The following YWHAZ variants were observed in gnomAD, a reference collection of about 807,000 sequenced individuals.
The protein encoded by YWHAZ is tyrosine 3-monooxygenase/tryptophan 5-monooxygenase activation protein zeta, also known as 14-3-3 protein zeta/delta.
For missense variants in YWHAZ, 79 were observed against 284.8 expected, an observed-to-expected ratio of 0.28 and a Z score of 5.20; for synonymous variants, 87 against 103.6, an observed-to-expected ratio of 0.84 and a Z score of 0.97.
chr8:100,934,573 C>T (rs932163441), intron 2 of YWHAZ, among the ~76,000 whole-genome samples: 1 of 151,848 alleles, frequency 6.6e-6, no homozygotes, highest in Non-Finnish European at 1.5e-5. Context: ...TGGTGGCAGG[C>T]GCCTGTAATC....
intron 2 of YWHAZ, among the ~76,000 whole-genome samples, chr8:100,942,045 C>T (rs1809904326): frequency 6.6e-6 from 1 of 152,146 alleles, no homozygotes; most frequent in Non-Finnish European, 1.5e-5. Context: ...CTGTTGTTAC[C>T]ACTGTAAGCA....
chr8:100,934,617 C>T (rs1814005601), intron 2 of YWHAZ, among the ~76,000 whole-genome samples: 2 of 152,146 alleles, frequency 1.3e-5, no homozygotes, highest in Admixed American at 1.3e-4. Flanking sequence ...AGAAGAATCA[C>T]TTGAACCCAG....
intron 1 of YWHAZ, 53 bp downstream of exon 1, chr8:100,951,876 G>A (rs993181799): frequency 9.1e-6 from 9 of 990,060 alleles, no homozygotes; most frequent in Non-Finnish European, 9.6e-6. Context: ...CCACGCGTTC[G>A]GAAGGCTGGC....
upstream of YWHAZ, chr8:100,952,121 A>T: frequency 1.0e-6 from 1 of 986,388 alleles, no homozygotes; most frequent in Non-Finnish European, 1.2e-6. Flanking sequence ...CGATGACGTC[A>T]AACGCTGCTA....
At chr8:100,936,362 G>A (rs147613946) in intron 2 of YWHAZ, among the ~76,000 whole-genome samples, 1 of 152,316 alleles carries the variant, frequency 6.6e-6, no homozygotes, top group East Asian at 1.9e-4. Flanking sequence ...ACCATGGGGT[G>A]TGTTTTCAGA....
At chr8:100,932,857 C>G (rs1430427642) in intron 2 of YWHAZ, among the ~76,000 whole-genome samples, 1 of 151,932 alleles carries the variant, frequency 6.6e-6, no homozygotes, top group Non-Finnish European at 1.5e-5. Context: ...GTTTCAGATT[C>G]AAGGACATTA....
In YWHAZ at chr8:100,918,928, CATT is replaced by C. The variant is rs906015816; in HGVS notation, c.*1762_*1764del. 2.6e-5 allele frequency: 4 copies of C among 152,490 alleles called. No individual in the cohort carries two copies. Among genetic ancestry groups the C allele is most frequent in the African/African-American group, 9.7e-5 (4 of 41,390 alleles). 9.4% of individuals were successfully genotyped at this position (152,490 alleles called of 1,614,324 possible). A position where few individuals can be genotyped will look rare whatever the true frequency, so the allele number is the denominator to read the frequency against. On this transcript the variant is annotated 3_prime_UTR_variant, in exon 6 of 6. Transcript: ENST00000395958. ...AGCTTTGGGTATAACTTAGCCCCAT[CATT>C]ATTTAGAGAATAGAGGAGGAAGAAA...
intron 2 of YWHAZ, among the ~76,000 whole-genome samples, chr8:100,939,811 G>A (rs61270228): frequency 0.12 from 17,499 of 152,154 alleles, 2,190 homozygotes; most frequent in African/African-American, 0.31. Flanking sequence ...CACGAGGTTA[G>A]GAGATCGAGA....
chr8:100,950,415 G>A (rs914598721), intron 1 of YWHAZ: 3 of 985,352 alleles, frequency 3.0e-6, no homozygotes, highest in Admixed American at 1.2e-4. Context: ...CCTGACTTGA[G>A]ACGTCGGTTA....
chr8:100,940,161 ACACT>A (rs999753272), intron 2 of YWHAZ, among the ~76,000 whole-genome samples: 4 of 152,028 alleles, frequency 2.6e-5, no homozygotes, highest in African/African-American at 9.7e-5. Context: ...AAAATTATTG[ACACT>A]CACTGAAGGC....
intron 2 of YWHAZ, among the ~76,000 whole-genome samples, chr8:100,938,687 A>G (rs1453625905): frequency 6.6e-6 from 1 of 152,196 alleles, no homozygotes. Flanking sequence ...AATTTTAAAA[A>G]GAAATCATGC....
chr8:100,921,067 C>T (rs1259462047), intron 5 of YWHAZ, among the ~76,000 whole-genome samples: 3 of 152,142 alleles, frequency 2.0e-5, no homozygotes, highest in Non-Finnish European at 4.4e-5. Flanking sequence ...TGGAGTCTCG[C>T]TCTGTCACCA....
intron 2 of YWHAZ, among the ~76,000 whole-genome samples, chr8:100,944,089 A>G (rs1810090147): frequency 6.6e-6 from 1 of 152,218 alleles, no homozygotes; most frequent in African/African-American, 2.4e-5. Context: ...AAACATACCA[A>G]AACCATGAAG....
intron 2 of YWHAZ, among the ~76,000 whole-genome samples, chr8:100,942,471 T>C (rs1199019240): frequency 6.6e-6 from 1 of 152,238 alleles, no homozygotes; most frequent in Admixed American, 6.5e-5. Flanking sequence ...AGAGAACTGC[T>C]GATACGACCG....
intron 2 of YWHAZ, among the ~76,000 whole-genome samples, chr8:100,925,823 T>G (rs1813323437): frequency 6.6e-6 from 1 of 152,192 alleles, no homozygotes. Context: ...GCAAAAAGAT[T>G]AGATCATTGT....
intron 2 of YWHAZ, among the ~76,000 whole-genome samples, chr8:100,932,429 C>T (rs1813822637): frequency 1.3e-5 from 2 of 152,102 alleles, no homozygotes; most frequent in South Asian, 4.1e-4. Context: ...TAAATAGGTA[C>T]ATTTTCTAGG....
rs565384130 is a variant in YWHAZ at position 100,950,617 on chromosome 8, G to C, written c.-12+1312C>G. On this transcript the variant is annotated intron_variant, in intron 1 of 5. Transcript: ENST00000395958. Reference sequence around the variant, plus strand: ...GAGTGTTAATTCCTCCCCCCGACCGGAGCCAGAGGGAGGAGCAGCCCGCGC... The same window carrying C: ...GAGTGTTAATTCCTCCCCCCGACCGCAGCCAGAGGGAGGAGCAGCCCGCGC... The C allele has an allele frequency of 2.3e-5, 23 of 985,780 alleles. No homozygotes were observed. In the Admixed American group the frequency reaches 1.3e-3, roughly 55 times the overall value. The allele number at this position is 985,780 out of a possible 1,614,324, so 61.1% of individuals were successfully genotyped here.
intron 2 of YWHAZ, among the ~76,000 whole-genome samples, chr8:100,936,723 C>A (rs1026352339): frequency 6.6e-6 from 1 of 152,094 alleles, no homozygotes; most frequent in Admixed American, 6.6e-5. Flanking sequence ...ATCGCTTGAA[C>A]CTGGGAGGCA....
rs1158844137 is a variant in YWHAZ at position 100,917,950 on chromosome 8, G to A, written c.*2743C>T. The A allele has an allele frequency of 6.6e-6, 1 of 152,194 alleles. No individual in the cohort carries two copies. The highest frequency in any genetic ancestry group is 2.4e-5 in the African/African-American group (1 of 41,450). The allele number at this position is 152,194 out of a possible 1,614,324, so 9.4% of individuals were successfully genotyped here. On this transcript the variant is annotated 3_prime_UTR_variant, in exon 6 of 6. Coordinates refer to ENST00000395958, the MANE Select transcript of YWHAZ (RefSeq NM_145690.3). Reference sequence around the variant, plus strand: ...ATGTAGAAAACATTAGTTAATACTAGTGAAGTGTTTTCATTATTCCAGGAT... The same window carrying A: ...ATGTAGAAAACATTAGTTAATACTAATGAAGTGTTTTCATTATTCCAGGAT...
Sources: allele counts gnomAD v4.1 joint callset (sites outside exome capture counted in the v4.1 genomes callset), GRCh38; gene constraint gnomAD v4.1.1; transcripts MANE v1.5; gene names NCBI Gene and HGNC (gene_info 2026-07-23, HGNC 2026-07-21).